Variants in CRMP1 observed in about 807,000 individuals in gnomAD.
The protein encoded by CRMP1 is collapsin response mediator protein 1.
In CRMP1, 19 loss-of-function variants were observed where a neutral mutation model predicts 68.3. That is an observed-to-expected ratio of 0.28 (90% CI 0.19 to 0.41). The LOEUF (loss-of-function observed/expected upper bound fraction) is 0.41. CRMP1 is among the 10% of genes least tolerant of loss of function. The pLI, the probability that CRMP1 is intolerant of heterozygous loss-of-function variation, is 1.00. For synonymous variants in CRMP1, 439 were observed against 399.6 expected (o/e 1.10, Z -1.18); for missense variants, 791 against 967.4 (o/e 0.82, Z 2.42).
Position 5,889,603 on chromosome 4 carries a change from C to A in CRMP1, c.381+2986G>T, listed in dbSNP as rs768407904. On this transcript the variant is annotated intron_variant, in intron 1 of 13. Transcript: ENST00000324989. This position sits in a 1 kb window ranked among gnomAD's most constrained non-coding sequence, Gnocchi z 4.5. ...CTCACTGGACAGGTGCCCCAAGTTC[C>A]CAGGCAGAATAAAACACCAACCTTG... 1 of 1,536,156 alleles carries A rather than the reference C, an allele frequency of 6.5e-7. No individual in the cohort carries two copies. The highest frequency in any genetic ancestry group is 1.4e-5 in the African/African-American group (1 of 73,162).
At chr4:5,827,623 C>T (rs1553902497) in intron 12 of CRMP1, among the ~76,000 whole-genome samples, 1 of 144,444 alleles carries the variant, frequency 6.9e-6, no homozygotes, top group African/African-American at 2.6e-5. Flanking sequence ...CACACGCGCA[C>T]ACACACACAC....
intron 1 of CRMP1, among the ~76,000 whole-genome samples, chr4:5,880,180 C>T (rs1577843018): frequency 6.6e-6 from 1 of 152,276 alleles, no homozygotes; most frequent in East Asian, 1.9e-4. Flanking sequence ...TGGAGGTATG[C>T]AGAGAACATA....
chr4:5,884,984 TAA>T (rs33952240), intron 1 of CRMP1, among the ~76,000 whole-genome samples: 17 of 140,746 alleles, frequency 1.2e-4, no homozygotes, highest in Admixed American at 2.1e-4. Context: ...TGCCATTCAT[TAA>T]AAAAAAAAAA....
chr4:5,887,891 G>T, intron 1 of CRMP1: 4 of 759,526 alleles, frequency 5.3e-6, no homozygotes, highest in Non-Finnish European at 5.0e-6. Flanking sequence ...CGGGGAGGGG[G>T]TTCGGACCCC....
At chr4:5,824,911 T>A in intron 13 of CRMP1, 1 of 985,418 alleles carries the variant, frequency 1.0e-6, no homozygotes, top group Non-Finnish European at 1.2e-6. Flanking sequence ...TCAGGAGGGA[T>A]CAGGTCAACA....
At chr4:5,822,321 A>C (rs1040492616) in intron 13 of CRMP1, among the ~76,000 whole-genome samples, 2 of 152,214 alleles carry the variant, frequency 1.3e-5, no homozygotes, top group African/African-American at 4.8e-5. Flanking sequence ...ATTGAAGCCC[A>C]AACTGGTTGG....
At chr4:5,885,637 T>G (rs114317393) in intron 1 of CRMP1, among the ~76,000 whole-genome samples, 3,025 of 152,316 alleles carry the variant, frequency 0.02, 58 homozygotes, top group South Asian at 0.047. Context: ...GCTCTCCTCC[T>G]GTCCCCTCTG....
At position 5,879,066 on chromosome 4, in the gene CRMP1, CA is replaced by C. The variant is rs1221085173; in HGVS notation, c.382-12311del. ...GAGTGACCTTTCTGAAATGCAAATCCAACCATGCCTCGCTTCTCCTCAAAAT... is the reference window on the plus strand; with the variant it reads ...GAGTGACCTTTCTGAAATGCAAATCCACCATGCCTCGCTTCTCCTCAAAAT... On this transcript the variant is annotated intron_variant, in intron 1 of 13. Coordinates refer to ENST00000324989, the MANE Select transcript of CRMP1 (RefSeq NM_001014809.3). The surrounding 1 kb of genome is among the most constrained non-coding windows in gnomAD (Gnocchi z 4.2). Among the ~76,000 whole-genome samples the C allele has an allele frequency of 1.3e-5, 2 of 152,132 alleles. No homozygotes were observed. The highest frequency in any genetic ancestry group is 4.8e-5 in the African/African-American group (2 of 41,430).
intron 13 of CRMP1, chr4:5,824,573 G>A: frequency 1.0e-6 from 1 of 972,086 alleles, no homozygotes; most frequent in Non-Finnish European, 1.2e-6. Flanking sequence ...CGGGTCCATT[G>A]ACCAAATCCG....
At chr4:5,848,138 C>G (rs972616833) in intron 6 of CRMP1, among the ~76,000 whole-genome samples, 19 of 151,720 alleles carry the variant, frequency 1.3e-4, no homozygotes, top group African/African-American at 3.2e-4. Flanking sequence ...AGCTAGTCAC[C>G]CTGACTTCAT....
Position 5,825,592 on chromosome 4 carries a change from G to A in CRMP1, c.1871C>T (p.Pro624Leu), listed in dbSNP as rs1218470184. 6.2e-7 allele frequency: 1 copy of A among 1,602,648 alleles called. No individual in the cohort carries two copies. The highest frequency in any genetic ancestry group is 1.1e-5 in the South Asian group (1 of 88,796). The change falls in exon 13 of 14, where the codon CCC becomes CTC. Residue 624 changes from proline to leucine, a missense_variant. Coordinates refer to ENST00000324989, the MANE Select transcript of CRMP1 (RefSeq NM_001014809.3). This position sits in a 1 kb window ranked among gnomAD's most constrained non-coding sequence, Gnocchi z 4.4. Reference protein sequence around the residue: ...DGPVYEVPATPKYATPAPSAK... With the variant: ...DGPVYEVPATLKYATPAPSAK... ...TGAAGGAGCGGGAGTTGCATATTTG[G>A]GTGTAGCTGGTACCTCGTACACAGG...
At chr4:5,828,008 G>A (rs1047015828) in intron 12 of CRMP1, 4 of 982,046 alleles carry the variant, frequency 4.1e-6, no homozygotes, top group Non-Finnish European at 4.8e-6. Flanking sequence ...AGGGAGGAAG[G>A]AAAGGAAGAA....
At position 5,859,230 on chromosome 4, in the gene CRMP1, C is replaced by A. The variant is rs1713361683; in HGVS notation, c.655+1796G>T. Among the ~76,000 whole-genome samples the A allele has an allele frequency of 6.6e-6, 1 of 152,150 alleles. No individual in the cohort carries two copies. The highest frequency in any genetic ancestry group is 1.5e-5 in the Non-Finnish European group (1 of 68,024). The stretch of plus-strand genomic sequence containing the variant: ...AATGAAGATGGGGAAGGGCGGGGAC[C>A]CTTTCAGAGCCCTGGACTGTTGTCC... On this transcript the variant is annotated intron_variant, in intron 3 of 13. Transcript: ENST00000324989. The surrounding 1 kb of genome is among the most constrained non-coding windows in gnomAD (Gnocchi z 5.2).
chr4:5,841,533 A>G lies in CRMP1; in HGVS notation c.1033-105T>C. ...TGTGATCAGAAGGGAAATCTGCTCC[A>G]TTGAATGAGAAGGACATACTGAGTC... On this transcript the variant is annotated intron_variant, in intron 7 of 13. Transcript: ENST00000324989. The surrounding 1 kb of genome is among the most constrained non-coding windows in gnomAD (Gnocchi z 6.9). The G allele has an allele frequency of 1.3e-6, 2 of 1,547,362 alleles. No individual in the cohort carries two copies. Among genetic ancestry groups the G allele is most frequent in the East Asian group, 2.3e-5 (1 of 44,300 alleles).
In CRMP1 at chr4:5,890,427, G is replaced by C. The variant is rs992809509; in HGVS notation, c.381+2162C>G. On this transcript the variant is annotated intron_variant, in intron 1 of 13. Transcript: ENST00000324989. The surrounding 1 kb of genome is among the most constrained non-coding windows in gnomAD (Gnocchi z 5.5). Reference sequence around the variant, plus strand: ...GCCCAGGGAGAAGCCTGGTGGGCGGGGGGGGAAGGGCCGGGGCACCCGTTG... The same window carrying C: ...GCCCAGGGAGAAGCCTGGTGGGCGGCGGGGGAAGGGCCGGGGCACCCGTTG... Among the ~76,000 whole-genome samples, 13 of 152,374 alleles carry C rather than the reference G, an allele frequency of 8.5e-5. 1 individual carries two copies. The South Asian group carries it at 2.1e-3, about 24-fold the overall frequency.
chr4:5,868,261 C>CTATCTATCTATATATA (rs1210674102), intron 1 of CRMP1, among the ~76,000 whole-genome samples: 23 of 111,446 alleles, frequency 2.1e-4, no homozygotes, highest in Non-Finnish European at 3.7e-4. Context: ...GACTATATAT[C>CTATCTATCTATATATA]TATATATATA....
chr4:5,823,795 AAAC>A (rs149427013), intron 13 of CRMP1, among the ~76,000 whole-genome samples: 11,075 of 152,282 alleles, frequency 0.073, 677 homozygotes, highest in African/African-American at 0.17. Flanking sequence ...TGAGCCAAGT[AAAC>A]CTCTTTAATT....
intron 12 of CRMP1, among the ~76,000 whole-genome samples, chr4:5,827,733 G>GCACACACACACACA (rs141887967): frequency 0.018 from 2,434 of 138,308 alleles, 71 homozygotes; most frequent in African/African-American, 0.066. Flanking sequence ...ATGTGCGCGT[G>GCACACACACACACA]CACACACACA....
In CRMP1 at chr4:5,883,306, C is replaced by CT. The variant is rs1715341100; in HGVS notation, c.381+9282dup. On this transcript the variant is annotated intron_variant, in intron 1 of 13. Coordinates refer to ENST00000324989, the MANE Select transcript of CRMP1 (RefSeq NM_001014809.3). This position sits in a 1 kb window ranked among gnomAD's most constrained non-coding sequence, Gnocchi z 4.5. Reference sequence around the variant, plus strand: ...TGTCTTTCTATCTTTCTCTTTCTTTCTTCTTTTTTGTTTGAGAGAGTCTCA... The same window carrying CT: ...TGTCTTTCTATCTTTCTCTTTCTTTCTTTCTTTTTTGTTTGAGAGAGTCTCA... Among the ~76,000 whole-genome samples, 1 of 146,376 alleles carries CT rather than the reference C, an allele frequency of 6.8e-6. No homozygotes were observed. Among genetic ancestry groups the CT allele is most frequent in the Admixed American group, 6.9e-5 (1 of 14,492 alleles).
Sources: gnomAD v4.1 joint callset for allele counts (sites outside exome capture counted in the v4.1 genomes callset) on GRCh38, gnomAD v4.1.1 for gene constraint, Gnocchi (gnomAD v3.1) non-coding constraint, MANE v1.5 for transcripts, NCBI Gene and HGNC (gene_info 2026-07-23, HGNC 2026-07-21) for gene names.